Variants in PPP2R5C observed in about 807,000 individuals in gnomAD.
PPP2R5C encodes the protein serine/threonine-protein phosphatase 2A 56 kDa regulatory subunit gamma isoform.
Under a neutral mutation model 68.9 loss-of-function variants are expected in PPP2R5C, and 7 were observed. The observed-to-expected ratio is 0.10, with a 90% confidence interval of 0.06 to 0.19. The LOEUF is 0.19. Ranked by LOEUF, PPP2R5C falls within the 10% of genes least tolerant of loss-of-function variation. The pLI is 1.00. For missense variants in PPP2R5C, 348 were observed against 641.3 expected (o/e 0.54, Z 4.94); for synonymous variants, 210 against 222.2 (o/e 0.95, Z 0.49).
intron 2 of PPP2R5C, among the ~76,000 whole-genome samples, chr14:101,858,324 A>G (rs951157218): frequency 3.3e-5 from 5 of 152,202 alleles, no homozygotes; most frequent in East Asian, 3.9e-4. Context: ...CACATTTTAT[A>G]ATCTTTTTTC....
chr14:101,854,968 G>A (rs981681300), intron 1 of PPP2R5C, among the ~76,000 whole-genome samples: 20 of 152,134 alleles, frequency 1.3e-4, no homozygotes, highest in Admixed American at 1.0e-3. Context: ...CCAGGAGCTC[G>A]AGACCAGCCT....
chr14:101,917,452 C>T lies in PPP2R5C; in HGVS notation c.1327-379C>T, dbSNP rs145672807. Among the ~76,000 whole-genome samples, 549 of 152,226 alleles carry T rather than the reference C, an allele frequency of 3.6e-3. 17 individuals are homozygous for T. The highest frequency in any genetic ancestry group is 0.034 in the Admixed American group (514 of 15,294). ...TTGGAGGTCGCTGGCAAAGAATGGG[C>T]GGCCAGAGGTGAGGGTTCCAGTGGT... On this transcript the variant is annotated intron_variant, in intron 12 of 13. Coordinates refer to ENST00000334743, the Ensembl canonical transcript of PPP2R5C. This position sits in a 1 kb window ranked among gnomAD's most constrained non-coding sequence, Gnocchi z 4.4.
chr14:101,861,997 C>T (rs1030643221), intron 2 of PPP2R5C, among the ~76,000 whole-genome samples: 1 of 152,152 alleles, frequency 6.6e-6, no homozygotes, highest in Non-Finnish European at 1.5e-5. Context: ...ACTGCAGCCT[C>T]GAACTTCTGG....
intron 11 of PPP2R5C, among the ~76,000 whole-genome samples, chr14:101,911,452 C>T (rs910027863): frequency 6.6e-6 from 1 of 152,214 alleles, no homozygotes; most frequent in African/African-American, 2.4e-5. Context: ...CTGTTCTCAT[C>T]TCAGCTCTCA....
At chr14:101,793,528 G>T (rs908624222) in intron 3 of PPP2R5C, among the ~76,000 whole-genome samples, 4 of 152,248 alleles carry the variant, frequency 2.6e-5, no homozygotes, top group African/African-American at 9.6e-5. Flanking sequence ...GTGAGCTGGT[G>T]CAGGAGCACT....
intron 2 of PPP2R5C, among the ~76,000 whole-genome samples, chr14:101,871,343 G>A (rs779191868): frequency 2.0e-5 from 3 of 152,092 alleles, no homozygotes; most frequent in African/African-American, 4.8e-5. Context: ...CCGGGTTCAT[G>A]CCATTCTCCT....
upstream of PPP2R5C, among the ~76,000 whole-genome samples, chr14:101,807,218 G>T (rs979759752): frequency 7.9e-5 from 12 of 152,126 alleles, no homozygotes; most frequent in Non-Finnish European, 4.4e-5. Flanking sequence ...TCAGTTGTCT[G>T]CCCCAAGATT....
intron 2 of PPP2R5C, among the ~76,000 whole-genome samples, chr14:101,873,602 C>T (rs1358849437): frequency 1.3e-5 from 2 of 152,164 alleles, no homozygotes; most frequent in Non-Finnish European, 2.9e-5. Flanking sequence ...CTCACTAATC[C>T]TTTCAGGTGG....
chr14:101,857,624 T>C (rs1411812531), intron 2 of PPP2R5C, among the ~76,000 whole-genome samples: 1 of 152,244 alleles, frequency 6.6e-6, no homozygotes, highest in African/African-American at 2.4e-5. Context: ...TACAGCCCAT[T>C]CCTCAGTCAG....
chr14:101,901,707 T>A lies in PPP2R5C; in HGVS notation c.853-12T>A. The A allele has an allele frequency of 6.2e-7, 1 of 1,612,628 alleles. No individual in the cohort carries two copies. The highest frequency in any genetic ancestry group is 8.5e-7 in the Non-Finnish European group (1 of 1,179,754). ...TGGGCATCAGTCACTCCACGTGTCA[T>A]TTCTTTTGTAGGTGGTGATGGCACT... is the stretch of plus-strand genomic sequence containing the variant. On this transcript the variant is annotated splice_polypyrimidine_tract_variant and intron_variant, in intron 8 of 13. Transcript: ENST00000334743.
rs189574870 is a variant in PPP2R5C at position 101,800,461 on chromosome 14, G to C, written c.259+14278G>C. On this transcript the variant is annotated intron_variant, in intron 3 of 14. Coordinates refer to the PPP2R5C transcript ENST00000328724. ...GCCTGTAATCTCAGCTACTCAGGAG[G>C]CTGAAGCACAAGAATTGCTTGAACC... 3.1e-3 allele frequency among the ~76,000 whole-genome samples: 468 copies of C among 152,228 alleles called. 2 individuals carry two copies. Among genetic ancestry groups the C allele is most frequent in the African/African-American group, 0.011 (461 of 41,540 alleles).
At chr14:101,809,705 T>C, upstream of PPP2R5C, 2 of 757,418 alleles carry the variant, frequency 2.6e-6, no homozygotes, top group South Asian at 2.8e-5. Flanking sequence ...CCGGAAAATA[T>C]CCCAGCTTTT....
At position 101,835,485 on chromosome 14, in the gene PPP2R5C, T is replaced by G. The variant is rs926912998; in HGVS notation, c.95-21201T>G. On this transcript the variant is annotated intron_variant, in intron 1 of 13. Transcript: ENST00000334743. This position sits in a 1 kb window ranked among gnomAD's most constrained non-coding sequence, Gnocchi z 5.0. ...GCAGTTAAGGTAGTGTCCCAGACGT[T>G]TGTTCAGAGGGCTCCTTCCCACTTG... Among the ~76,000 whole-genome samples, 2 of 152,220 alleles carry G rather than the reference T, an allele frequency of 1.3e-5. No individual in the cohort carries two copies. The highest frequency in any genetic ancestry group is 4.8e-5 in the African/African-American group (2 of 41,452).
intron 1 of PPP2R5C, among the ~76,000 whole-genome samples, chr14:101,815,811 A>G (rs2039627213): frequency 6.6e-6 from 1 of 152,170 alleles, no homozygotes; most frequent in Non-Finnish European, 1.5e-5. Context: ...CTGGGATTAC[A>G]GGTGCATGCC....
chr14:101,867,661 C>T (rs1457195884), intron 2 of PPP2R5C, among the ~76,000 whole-genome samples: 2 of 151,110 alleles, frequency 1.3e-5, no homozygotes, highest in African/African-American at 4.9e-5. Flanking sequence ...ACCTGTAGTC[C>T]CAGCTACTCG....
upstream of PPP2R5C, among the ~76,000 whole-genome samples, chr14:101,760,942 GGAGGGGAGGGGAC>G: frequency 2.9e-5 from 3 of 103,564 alleles, no homozygotes; most frequent in Non-Finnish European, 4.1e-5. Context: ...CGAGGGAAGA[GGAGGGGAGGGGAC>G]GGGCTGGTCG....
intron 1 of PPP2R5C, among the ~76,000 whole-genome samples, chr14:101,846,995 A>C (rs77713079): frequency 0.016 from 2,414 of 152,310 alleles, 62 homozygotes; most frequent in African/African-American, 0.055. Context: ...TGAAGACCTG[A>C]GTTTTATCTT....
intron 2 of PPP2R5C, chr14:101,765,568 CTTTT>C (rs568558671): frequency 9.2e-4 from 140 of 152,690 alleles, no homozygotes; most frequent in Middle Eastern, 6.1e-3. Context: ...GCTTTCAAGC[CTTTT>C]TTTTTTTTTT....
chr14:101,817,978 A>G (rs1377926029), intron 1 of PPP2R5C: 5 of 151,962 alleles, frequency 3.3e-5, no homozygotes, highest in South Asian at 2.1e-4. Flanking sequence ...TATTATCTGT[A>G]TTTGTTCATC....
Sources: allele counts gnomAD v4.1 joint callset (sites outside exome capture counted in the v4.1 genomes callset), GRCh38; gene constraint gnomAD v4.1.1; non-coding constraint Gnocchi (gnomAD v3.1); transcripts MANE v1.5; gene names NCBI Gene and HGNC (gene_info 2026-07-23, HGNC 2026-07-21).